The following CADM2 variants were observed in gnomAD, a reference collection of about 807,000 sequenced individuals.
The protein encoded by CADM2 is cell adhesion molecule 2.
CADM2 carries 12 observed loss-of-function variants against 49.8 expected under a neutral mutation model. The observed-to-expected ratio is 0.24, with a 90% CI of 0.15 to 0.39. CADM2 has a LOEUF of 0.39. Ranked by LOEUF, CADM2 falls within the 10% of genes least tolerant of loss-of-function variation. CADM2 has a pLI of 1.00. For synonymous variants in CADM2, 214 were observed against 175.4 expected (o/e 1.22, Z -1.74); for missense variants, 378 against 492.3 (o/e 0.77, Z 2.20).
At chr3:85,943,903 A>G (rs538686855) in intron 7 of CADM2, among the ~76,000 whole-genome samples, 2 of 152,178 alleles carry the variant, frequency 1.3e-5, no homozygotes, top group East Asian at 3.9e-4. Context: ...AAATGACAGG[A>G]TCAAATTCAC....
At chr3:85,778,145 G>A (rs1440293369) in intron 2 of CADM2, among the ~76,000 whole-genome samples, 3 of 152,012 alleles carry the variant, frequency 2.0e-5, no homozygotes, top group Non-Finnish European at 2.9e-5. Flanking sequence ...AAAGATAAAA[G>A]CAACATTATT....
intron 7 of CADM2, among the ~76,000 whole-genome samples, chr3:85,942,385 C>A (rs1220008084): frequency 6.6e-6 from 1 of 151,752 alleles, no homozygotes; most frequent in Non-Finnish European, 1.5e-5. Context: ...GCATATTGTG[C>A]AGGTTAGTTA....
chr3:85,015,806 T>G (rs2200470), intron 1 of CADM2, among the ~76,000 whole-genome samples: 3,185 of 152,122 alleles, frequency 0.021, 122 homozygotes, highest in African/African-American at 0.072. Flanking sequence ...ATGATTAAGG[T>G]TTTCAAAGGG....
At chr3:85,618,770 T>G (rs560913781) in intron 1 of CADM2, among the ~76,000 whole-genome samples, 1 of 152,280 alleles carries the variant, frequency 6.6e-6, no homozygotes, top group Non-Finnish European at 1.5e-5. Context: ...ATTTAAATTC[T>G]ACTGATCAAA....
intron 3 of CADM2, among the ~76,000 whole-genome samples, chr3:85,877,682 C>CTTTTTTTTTTTTTTTTTTTTTTTTTTTT (rs1181629793): frequency 3.8e-5 from 3 of 78,746 alleles, no homozygotes; most frequent in African/African-American, 1.9e-4. Context: ...TTTTTTTCTT[C>CTTTTTTTTTTTTTTTTTTTTTTTTTTTT]TGTTTTTTTT....
At chr3:85,063,465 A>G (rs1025325034) in intron 1 of CADM2, among the ~76,000 whole-genome samples, 1 of 152,052 alleles carries the variant, frequency 6.6e-6, no homozygotes, top group African/African-American at 2.4e-5. Flanking sequence ...TAAATGTCAT[A>G]GACACAGACA....
rs1199645569 is a variant in CADM2 at position 86,066,642 on chromosome 3, T to C, written c.1097-23T>C. 6 of 1,513,032 alleles carry C rather than the reference T, an allele frequency of 4.0e-6. No homozygotes were observed. The South Asian group carries it at 6.8e-5, about 17-fold the overall frequency. The allele number at this position is 1,513,032 out of a possible 1,614,324, so 93.7% of individuals were successfully genotyped here. ...TTTTACCAGTCTCACAGAGCTAACA[T>C]ATTTTTCTTCCAATATATGCAGGAA... On this transcript the variant is annotated intron_variant, in intron 9 of 9. Transcript: ENST00000383699.
intron 1 of CADM2, among the ~76,000 whole-genome samples, chr3:84,994,872 C>CA (rs1399113115): frequency 1.3e-5 from 2 of 151,738 alleles, no homozygotes; most frequent in South Asian, 2.1e-4. Flanking sequence ...ACTAAAAATA[C>CA]AAAAAATAAG....
intron 8 of CADM2, among the ~76,000 whole-genome samples, chr3:86,037,274 T>C (rs1236309438): frequency 6.6e-6 from 1 of 152,212 alleles, no homozygotes; most frequent in East Asian, 1.9e-4. Context: ...TGTGTTACTT[T>C]AATGTCAACG....
chr3:84,967,246 T>C (rs966728000), intron 1 of CADM2, among the ~76,000 whole-genome samples: 4 of 152,154 alleles, frequency 2.6e-5, no homozygotes, highest in African/African-American at 9.6e-5. Context: ...TAAAATTGTT[T>C]GTATTCTAAA....
intron 1 of CADM2, among the ~76,000 whole-genome samples, chr3:85,170,536 C>G (rs2040595861): frequency 6.6e-6 from 1 of 151,922 alleles, no homozygotes. Flanking sequence ...ATGGGGTTCC[C>G]CATTTTAACC....
intron 3 of CADM2, among the ~76,000 whole-genome samples, chr3:85,877,958 T>C (rs975734827): frequency 3.3e-5 from 5 of 152,042 alleles, no homozygotes; most frequent in African/African-American, 1.2e-4. Context: ...CTGTTAAATG[T>C]TTTTTCCTTA....
At chr3:85,628,332 A>G (rs897503518) in intron 1 of CADM2, among the ~76,000 whole-genome samples, 10 of 151,604 alleles carry the variant, frequency 6.6e-5, no homozygotes, top group African/African-American at 2.2e-4. Context: ...TATTCTTTTT[A>G]TTTCTACTTT....
chr3:85,249,236 C>T (rs771795367), intron 1 of CADM2, among the ~76,000 whole-genome samples: 22 of 151,990 alleles, frequency 1.4e-4, no homozygotes, highest in Non-Finnish European at 2.2e-4. Flanking sequence ...TGTATTTAGA[C>T]CAGGTACAGA....
chr3:85,554,881 TA>T (rs66776212), intron 1 of CADM2, among the ~76,000 whole-genome samples: 2,927 of 43,578 alleles, frequency 0.067, 48 homozygotes, highest in Middle Eastern at 0.11. Context: ...TTTTTATTTT[TA>T]TTTTTTTTTT....
intron 2 of CADM2, among the ~76,000 whole-genome samples, chr3:85,734,078 T>C (rs993511230): frequency 1.3e-5 from 2 of 152,206 alleles, no homozygotes; most frequent in South Asian, 4.1e-4. Flanking sequence ...ATAAATGTAA[T>C]TTACTGTATT....
chr3:85,116,484 C>T (rs936605994), intron 1 of CADM2, among the ~76,000 whole-genome samples: 4 of 151,796 alleles, frequency 2.6e-5, no homozygotes, highest in African/African-American at 9.7e-5. Context: ...GGTAAGTTAG[C>T]GTTAATATAT....
rs1275261840 is a variant in CADM2 at position 85,617,079 on chromosome 3, T to C, written c.62-109443T>C. ...TTTCTCCCCACCAACAAACAAGCAATCAGTTCTTCCGTGGACGCCAGCTGG... is the reference window on the plus strand; with the variant it reads ...TTTCTCCCCACCAACAAACAAGCAACCAGTTCTTCCGTGGACGCCAGCTGG... On this transcript the variant is annotated intron_variant, in intron 1 of 9. Coordinates refer to ENST00000383699, the MANE Select transcript of CADM2 (RefSeq NM_001167675.2). Among the ~76,000 whole-genome samples, 3 of 152,036 alleles carry C rather than the reference T, an allele frequency of 2.0e-5. No individual in the cohort carries two copies. In the East Asian group the frequency reaches 5.8e-4, roughly 30 times the overall value.
intron 8 of CADM2, among the ~76,000 whole-genome samples, chr3:85,969,530 T>C (rs1376140286): frequency 6.6e-6 from 1 of 151,346 alleles, no homozygotes; most frequent in Non-Finnish European, 1.5e-5. Flanking sequence ...TGTCCCCCAG[T>C]CACATATCAC....
Sources: allele counts gnomAD v4.1 joint callset (sites outside exome capture counted in the v4.1 genomes callset), GRCh38; gene constraint gnomAD v4.1.1; transcripts MANE v1.5; gene names NCBI Gene and HGNC (gene_info 2026-07-23, HGNC 2026-07-21).